SOX6: variants seen among roughly 807,000 people sequenced by gnomAD.
SOX6 encodes transcription factor SOX-6.
In SOX6, 11 loss-of-function variants were observed where a neutral mutation model predicts 97.8. The ratio of observed to expected loss-of-function variants is 0.11; its 90% confidence interval spans 0.07 to 0.19. The LOEUF (loss-of-function observed/expected upper bound fraction) is 0.19. Among genes scored for constraint, SOX6 ranks in the 10% least tolerant of loss-of-function variants. The pLI is 1.00. For synonymous variants in SOX6, 360 were observed against 371.4 expected (o/e 0.97, Z 0.35); for missense variants, 810 against 1,039.5 (o/e 0.78, Z 3.04).
chr11:16,250,288 C>CTT (rs10644787), intron 3 of SOX6, among the ~76,000 whole-genome samples: 117,642 of 151,442 alleles, frequency 0.78, 45,828 homozygotes, highest in Non-Finnish European at 0.8. Context: ...ACGGCCTTGC[C>CTT]TTTTTTAGAA....
intron 13 of SOX6, among the ~76,000 whole-genome samples, chr11:16,009,928 A>G (rs904912281): frequency 2.6e-5 from 4 of 152,048 alleles, no homozygotes; most frequent in Non-Finnish European, 4.4e-5. Context: ...GGGTAGGGGA[A>G]TGAGGAAAGC....
intron 4 of SOX6, among the ~76,000 whole-genome samples, chr11:16,213,080 A>G (rs903415095): frequency 6.6e-6 from 1 of 152,064 alleles, no homozygotes; most frequent in Non-Finnish European, 1.5e-5. Flanking sequence ...GAACTTTTGT[A>G]CCTTTGGTTA....
At chr11:16,111,649 C>G (rs555328273) in intron 7 of SOX6, among the ~76,000 whole-genome samples, 154 bp downstream of exon 7, 1 of 152,220 alleles carries the variant, frequency 6.6e-6, no homozygotes, top group South Asian at 2.1e-4. Context: ...ATTACAATGC[C>G]CACTCTTCCC....
Position 16,254,500 on chromosome 11 carries a change from A to G in SOX6, c.446-19829T>C, listed in dbSNP as rs541979577. Among the ~76,000 whole-genome samples the G allele has an allele frequency of 3.3e-5, 5 of 152,206 alleles. No individual in the cohort carries two copies. In the South Asian group the frequency reaches 1.0e-3, roughly 32 times the overall value. On this transcript the variant is annotated intron_variant, in intron 3 of 15. Transcript: ENST00000683767. ...CAAGGGATGGGATAGAGGAATTCAG[A>G]ATATTTTGTTATTATGAGGTACCTG...
At chr11:16,701,279 T>C (rs1011618449) in intron 3 of SOX6, among the ~76,000 whole-genome samples, 15 of 152,332 alleles carry the variant, frequency 9.8e-5, no homozygotes, top group African/African-American at 3.6e-4. Context: ...TGCCCACAGA[T>C]ATATTTTATA....
At chr11:16,576,947 T>C (rs1847990222) in intron 4 of SOX6, 1 of 152,210 alleles carries the variant, frequency 6.6e-6, no homozygotes, top group Non-Finnish European at 1.5e-5. Context: ...TAGTGTGATA[T>C]GCCAATAGGT....
chr11:16,519,269 C>T (rs932283558), intron 4 of SOX6, among the ~76,000 whole-genome samples: 3 of 152,102 alleles, frequency 2.0e-5, no homozygotes, highest in Non-Finnish European at 2.9e-5. Context: ...ATAATGGTGA[C>T]GTTTGGGATC....
intron 2 of SOX6, among the ~76,000 whole-genome samples, chr11:16,733,012 T>C (rs978806519): frequency 2.0e-5 from 3 of 152,208 alleles, no homozygotes; most frequent in African/African-American, 7.2e-5. Flanking sequence ...ATTAGAGAAA[T>C]GCAAATCAAA....
intron 9 of SOX6, among the ~76,000 whole-genome samples, chr11:16,062,514 C>T (rs1847985232): frequency 6.6e-6 from 1 of 151,552 alleles, no homozygotes; most frequent in African/African-American, 2.4e-5. Flanking sequence ...TTATGACAGG[C>T]TTAGCCAAAG....
intron 1 of SOX6, among the ~76,000 whole-genome samples, chr11:16,410,549 G>C (rs1219099314): frequency 1.3e-5 from 2 of 152,016 alleles, no homozygotes; most frequent in Non-Finnish European, 2.9e-5. Flanking sequence ...TTGAGCCCAG[G>C]AGTTCGACAC....
intron 4 of SOX6, among the ~76,000 whole-genome samples, chr11:16,215,820 C>T (rs1011407899): frequency 2.0e-5 from 3 of 152,118 alleles, no homozygotes; most frequent in Non-Finnish European, 4.4e-5. Flanking sequence ...AAGAATATGA[C>T]ATTCTCATAT....
At chr11:16,141,223 T>C (rs2134039254) in intron 6 of SOX6, among the ~76,000 whole-genome samples, 1 of 152,338 alleles carries the variant, frequency 6.6e-6, no homozygotes, top group South Asian at 2.1e-4. Context: ...TAGATTTCCA[T>C]TTAAAAACAC....
chr11:16,392,836 G>C (rs1237921311), intron 1 of SOX6, among the ~76,000 whole-genome samples: 1 of 151,870 alleles, frequency 6.6e-6, no homozygotes, highest in Non-Finnish European at 1.5e-5. Flanking sequence ...TTCATTATTG[G>C]CTTCACATAA....
At chr11:16,092,032 A>G (rs573083843) in intron 9 of SOX6, among the ~76,000 whole-genome samples, 2 of 152,150 alleles carry the variant, frequency 1.3e-5, no homozygotes, top group South Asian at 4.1e-4. Flanking sequence ...ATCTGTCAGT[A>G]ATACATTGAG....
chr11:16,332,812 T>C (rs781024865), intron 2 of SOX6, among the ~76,000 whole-genome samples: 15 of 152,172 alleles, frequency 9.9e-5, no homozygotes, highest in Non-Finnish European at 1.9e-4. Context: ...GTCATCACAT[T>C]GAAAGCTGTA....
intron 3 of SOX6, among the ~76,000 whole-genome samples, chr11:16,707,194 T>C (rs1848144348): frequency 6.6e-6 from 1 of 152,212 alleles, no homozygotes; most frequent in South Asian, 2.1e-4. Flanking sequence ...CAGTGTTTTA[T>C]TTAAAATAAA....
intron 4 of SOX6, among the ~76,000 whole-genome samples, chr11:16,552,274 A>G (rs1847697500): frequency 6.6e-6 from 1 of 152,332 alleles, no homozygotes; most frequent in Non-Finnish European, 1.5e-5. Flanking sequence ...AAATCAAAAA[A>G]GGAAAATGCA....
chr11:16,582,245 A>G (rs987717861), intron 4 of SOX6, among the ~76,000 whole-genome samples: 2 of 152,194 alleles, frequency 1.3e-5, no homozygotes, highest in African/African-American at 4.8e-5. Flanking sequence ...TCATACCCCA[A>G]ACCTCAGCAT....
At chr11:16,054,959 C>T (rs1322534393) in intron 10 of SOX6, among the ~76,000 whole-genome samples, 1 of 152,150 alleles carries the variant, frequency 6.6e-6, no homozygotes, top group African/African-American at 2.4e-5. Flanking sequence ...AGTTTCAAGA[C>T]GCTGAAAATT....
Sources: gnomAD v4.1 joint callset for allele counts (sites outside exome capture counted in the v4.1 genomes callset) on GRCh38, gnomAD v4.1.1 for gene constraint, MANE v1.5 for transcripts, NCBI Gene and HGNC (gene_info 2026-07-23, HGNC 2026-07-21) for gene names.